SPRED2: variants seen among roughly 807,000 people sequenced by gnomAD.
SPRED2 encodes the protein sprouty-related, EVH1 domain-containing protein 2.
A neutral mutation model predicts 43.0 loss-of-function variants in SPRED2; 47 were observed. The ratio of observed to expected loss-of-function variants is 1.09; its 90% confidence interval spans 0.87 to 1.40. The LOEUF is 1.40. Among genes scored for constraint, SPRED2 ranks in the 40% most tolerant of loss-of-function variants. The pLI is 0.00. For missense variants in SPRED2, 561 were observed against 586.4 expected, an observed-to-expected ratio of 0.96 and a Z score of 0.45; for synonymous variants, 225 against 225.7, an observed-to-expected ratio of 1.00 and a Z score of 0.03.
At chr2:65,328,001 C>T (rs1255854024) in intron 4 of SPRED2, among the ~76,000 whole-genome samples, 1 of 152,124 alleles carries the variant, frequency 6.6e-6, no homozygotes, top group Non-Finnish European at 1.5e-5. Context: ...GGATTACAGG[C>T]ATGAACCGCT....
At chr2:65,392,175 CTTT>C (rs70943649) in intron 1 of SPRED2, among the ~76,000 whole-genome samples, 4 of 98,724 alleles carry the variant, frequency 4.1e-5, no homozygotes, top group Non-Finnish European at 8.3e-5. Context: ...TCCAGAATTT[CTTT>C]TTTTTTTTTT....
intron 4 of SPRED2, among the ~76,000 whole-genome samples, chr2:65,322,714 A>G (rs1673467998): frequency 6.6e-6 from 1 of 152,164 alleles, no homozygotes; most frequent in Non-Finnish European, 1.5e-5. Context: ...ACTTTGATAG[A>G]ATTACTTCTA....
intron 1 of SPRED2, among the ~76,000 whole-genome samples, chr2:65,364,726 GT>G (rs914502336): frequency 4.6e-5 from 7 of 151,460 alleles, no homozygotes; most frequent in Non-Finnish European, 5.9e-5. Flanking sequence ...TAAAATAAAT[GT>G]TTTTTTTATC....
At chr2:65,418,488 C>T (rs77218333) in intron 1 of SPRED2, among the ~76,000 whole-genome samples, 1 of 152,144 alleles carries the variant, frequency 6.6e-6, no homozygotes, top group Admixed American at 6.5e-5. Context: ...CTCACCTTGT[C>T]GGAAGTGAAC....
intron 1 of SPRED2, among the ~76,000 whole-genome samples, chr2:65,415,780 TA>T (rs1210327608): frequency 6.6e-6 from 1 of 152,194 alleles, no homozygotes; most frequent in Admixed American, 6.5e-5. Flanking sequence ...AATTAGAATT[TA>T]TTTTTTATTG....
At chr2:65,321,806 T>C (rs1378508735) in intron 4 of SPRED2, among the ~76,000 whole-genome samples, 1 of 152,172 alleles carries the variant, frequency 6.6e-6, no homozygotes, top group Non-Finnish European at 1.5e-5. Flanking sequence ...AGAGCCTTGA[T>C]CTGTCACCCA....
intron 4 of SPRED2, among the ~76,000 whole-genome samples, chr2:65,322,022 A>G (rs10203510): frequency 0.77 from 116,175 of 151,568 alleles, 44,921 homozygotes; most frequent in South Asian, 0.86. Flanking sequence ...CAATCTGCCC[A>G]CCTTGTCCTC....
At chr2:65,366,627 C>A in intron 1 of SPRED2, 1 of 1,552,816 alleles carries the variant, frequency 6.4e-7, no homozygotes. Context: ...TTGTGGAGCC[C>A]GAGTGCTGGG....
chr2:65,422,694 A>G (rs933723403), intron 1 of SPRED2, among the ~76,000 whole-genome samples: 1 of 152,204 alleles, frequency 6.6e-6, no homozygotes. Context: ...ATAATCTAGT[A>G]TCCCCAATTT....
At chr2:65,420,209 CAAAAAAAAAAAAA>C (rs61448407) in intron 1 of SPRED2, among the ~76,000 whole-genome samples, 2 of 79,816 alleles carry the variant, frequency 2.5e-5, no homozygotes, top group African/African-American at 5.5e-5. Flanking sequence ...GACTCTGTCT[CAAAAAAAAAAAAA>C]AAAAAAAAAA....
At chr2:65,308,985 T>C (rs369768592), downstream of SPRED2, among the ~76,000 whole-genome samples, 4 of 152,032 alleles carry the variant, frequency 2.6e-5, no homozygotes, top group East Asian at 7.8e-4. Flanking sequence ...GGTGAAACCC[T>C]GTCTCTACTA....
intron 1 of SPRED2, among the ~76,000 whole-genome samples, chr2:65,384,096 T>TGCA (rs35843916): frequency 0.16 from 24,850 of 152,000 alleles, 2,358 homozygotes; most frequent in Non-Finnish European, 0.2. Context: ...GTGCAGGATC[T>TGCA]GCTCAGCTAG....
At chr2:65,404,104 C>A (rs554431674) in intron 1 of SPRED2, among the ~76,000 whole-genome samples, 29 of 151,936 alleles carry the variant, frequency 1.9e-4, no homozygotes, top group African/African-American at 6.8e-4. Context: ...ACTCAGGAGG[C>A]TGAGGCAGGA....
chr2:65,331,892 CACT>C (rs1673821743), intron 4 of SPRED2, 92 bp downstream of exon 4: 2 of 905,866 alleles, frequency 2.2e-6, no homozygotes, highest in Non-Finnish European at 3.5e-6. Context: ...CAACAGCAAA[CACT>C]GCATTGCAAA....
At chr2:65,321,400 AGCT>A (rs1673404322) in intron 4 of SPRED2, among the ~76,000 whole-genome samples, 2 of 151,120 alleles carry the variant, frequency 1.3e-5, no homozygotes, top group African/African-American at 4.9e-5. Context: ...AGCTGGGTGC[AGCT>A]GCTCATGCCT....
At chr2:65,320,084 A>G (rs573947488) in intron 4 of SPRED2, among the ~76,000 whole-genome samples, 35 of 152,352 alleles carry the variant, frequency 2.3e-4, no homozygotes, top group African/African-American at 8.2e-4. Context: ...CACAGTACAA[A>G]GGTTACTACA....
At chr2:65,325,149 G>C (rs1367542285) in intron 4 of SPRED2, among the ~76,000 whole-genome samples, 1 of 152,130 alleles carries the variant, frequency 6.6e-6, no homozygotes, top group African/African-American at 2.4e-5. Context: ...TCTTAGGGAG[G>C]GAGATAAAAG....
At chr2:65,414,633 A>G (rs62141074) in intron 1 of SPRED2, among the ~76,000 whole-genome samples, 18,361 of 152,246 alleles carry the variant, frequency 0.12, 1,681 homozygotes, top group Non-Finnish European at 0.17. Context: ...CTTCTACAGC[A>G]TTCTCAGAGG....
intron 4 of SPRED2, among the ~76,000 whole-genome samples, chr2:65,322,407 C>A (rs1673459550): frequency 6.6e-6 from 1 of 150,662 alleles, no homozygotes; most frequent in South Asian, 2.1e-4. Context: ...CGTTCTCCTG[C>A]CTCAGCCTCC....
Sources: allele counts gnomAD v4.1 joint callset (sites outside exome capture counted in the v4.1 genomes callset), GRCh38; gene constraint gnomAD v4.1.1; transcripts MANE v1.5; gene names NCBI Gene and HGNC (gene_info 2026-07-23, HGNC 2026-07-21).